PTDSS1: variants seen among roughly 807,000 people sequenced by gnomAD.
PTDSS1 encodes PSS-1.
PTDSS1 carries 45 observed loss-of-function variants against 70.5 expected under a neutral mutation model. That is an observed-to-expected ratio of 0.64 (90% CI 0.50 to 0.82). The LOEUF is 0.82. PTDSS1 is among the 40% of genes least tolerant of loss of function. PTDSS1 has a pLI of 0.00. For synonymous variants in PTDSS1, 188 were observed against 203.8 expected, an observed-to-expected ratio of 0.92 and a Z score of 0.66; for missense variants, 417 against 586.1, an observed-to-expected ratio of 0.71 and a Z score of 2.98.
intron 10 of PTDSS1, among the ~76,000 whole-genome samples, chr8:96,320,795 C>G (rs1367276153): frequency 6.6e-6 from 1 of 152,170 alleles, no homozygotes; most frequent in Non-Finnish European, 1.5e-5. Context: ...GAAGATAATT[C>G]GATCCTGCAA....
chr8:96,298,016 A>T (rs1278229455), intron 5 of PTDSS1, among the ~76,000 whole-genome samples: 1 of 152,210 alleles, frequency 6.6e-6, no homozygotes, highest in Non-Finnish European at 1.5e-5. Context: ...CTTAGGCTGG[A>T]GGATGTCCTC....
At chr8:96,277,297 G>A (rs1810662564) in intron 2 of PTDSS1, among the ~76,000 whole-genome samples, 2 of 152,248 alleles carry the variant, frequency 1.3e-5, no homozygotes, top group African/African-American at 4.8e-5. Context: ...ATTAGGGATG[G>A]CTTTGGAAGG....
At position 96,292,083 on chromosome 8, in the gene PTDSS1, A is replaced by G. The variant is rs942940685; in HGVS notation, c.442-3015A>G. On this transcript the variant is annotated intron_variant, in intron 4 of 12. Transcript: ENST00000517309. ...ATCATAAGGTCAGGAGTTTGAGACC[A>G]GCCTGGTGTTTGAGACCATGTTTGA... Among the ~76,000 whole-genome samples, 20 of 152,060 alleles carry G rather than the reference A, an allele frequency of 1.3e-4. 1 individual carries two copies. Among genetic ancestry groups the G allele is most frequent in the South Asian group, 6.2e-4 (3 of 4,818 alleles).
chr8:96,310,257 T>C (rs1438818873), intron 9 of PTDSS1, among the ~76,000 whole-genome samples: 4 of 150,270 alleles, frequency 2.7e-5, no homozygotes, highest in African/African-American at 9.8e-5. Context: ...CTCTGCCTTC[T>C]GGGCTCAAGT....
At chr8:96,333,358 G>C in intron 12 of PTDSS1, 99 bp from the exon 13 acceptor site, 1 of 1,018,846 alleles carries the variant, frequency 9.8e-7, no homozygotes, top group Non-Finnish European at 1.5e-6. Flanking sequence ...ACGTATCAGG[G>C]AAGAACCTGT....
Position 96,335,470 on chromosome 8 carries a change from C to T in PTDSS1, c.*1904C>T, listed in dbSNP as rs1349419446. 1 of 152,222 alleles carries T rather than the reference C, an allele frequency of 6.6e-6. No homozygotes were observed. Among genetic ancestry groups the T allele is most frequent in the African/African-American group, 2.4e-5 (1 of 41,440 alleles). The allele number at this position is 152,222 out of a possible 1,614,324, so 9.4% of individuals were successfully genotyped here. On this transcript the variant is annotated 3_prime_UTR_variant, in exon 13 of 13. Transcript: ENST00000517309. ...GCCTGACACTTTCACACTCTTCTGA[C>T]TTTCGCCTTGTTGCAACTGATGGAG...
intron 2 of PTDSS1, among the ~76,000 whole-genome samples, chr8:96,277,104 G>A (rs987790631): frequency 5.3e-5 from 8 of 152,208 alleles, no homozygotes; most frequent in Non-Finnish European, 1.2e-4. Context: ...TCAGTGTCCT[G>A]TGCAGGAGGG....
chr8:96,308,278 A>G (rs1028333311), intron 8 of PTDSS1, among the ~76,000 whole-genome samples: 1 of 152,234 alleles, frequency 6.6e-6, no homozygotes. Flanking sequence ...TAAAGTAGCT[A>G]AAATGATCAA....
intron 2 of PTDSS1, 28 bp downstream of exon 2, chr8:96,273,418 T>A: frequency 6.6e-7 from 1 of 1,513,702 alleles, no homozygotes; most frequent in Non-Finnish European, 9.1e-7. Context: ...TTACCACATT[T>A]CTCCTATATT....
intron 3 of PTDSS1, 66 bp from the exon 4 acceptor site, chr8:96,286,956 A>C: frequency 6.3e-7 from 1 of 1,587,502 alleles, no homozygotes; most frequent in South Asian, 1.1e-5. Context: ...TTCGAGTCTA[A>C]TGTGTATTGT....
intron 9 of PTDSS1, among the ~76,000 whole-genome samples, chr8:96,315,490 A>G (rs780221775): frequency 6.6e-6 from 1 of 152,164 alleles, no homozygotes; most frequent in Non-Finnish European, 1.5e-5. Context: ...ACGAGCCTAG[A>G]GCTTTCATGC....
chr8:96,331,819 T>C (rs1438384170), intron 12 of PTDSS1, among the ~76,000 whole-genome samples: 1 of 151,862 alleles, frequency 6.6e-6, no homozygotes, highest in Non-Finnish European at 1.5e-5. Context: ...TGGGATGCCA[T>C]GGCAGGATCA....
At chr8:96,265,541 C>A (rs1170829352) in intron 1 of PTDSS1, among the ~76,000 whole-genome samples, 1 of 152,116 alleles carries the variant, frequency 6.6e-6, no homozygotes, top group East Asian at 1.9e-4. Context: ...TGAAAAAGCT[C>A]ATTTCCAGCC....
At chr8:96,303,031 T>G (rs1355309358) in intron 6 of PTDSS1, among the ~76,000 whole-genome samples, 2 of 152,246 alleles carry the variant, frequency 1.3e-5, no homozygotes, top group African/African-American at 4.8e-5. Context: ...ATTGGTGGTT[T>G]TTTTAAAGTA....
At chr8:96,288,844 G>A (rs1810862203) in intron 4 of PTDSS1, among the ~76,000 whole-genome samples, 2 of 151,784 alleles carry the variant, frequency 1.3e-5, no homozygotes, top group Non-Finnish European at 2.9e-5. Context: ...GGCCAGGCTG[G>A]TCTCAAACTC....
At chr8:96,293,314 T>TA (rs1227255109) in intron 4 of PTDSS1, among the ~76,000 whole-genome samples, 4 of 152,228 alleles carry the variant, frequency 2.6e-5, no homozygotes, top group Non-Finnish European at 5.9e-5. Flanking sequence ...GTAAAGTGAA[T>TA]AGGACTTGGT....
chr8:96,283,645 GCA>G (rs966179459), intron 2 of PTDSS1: 1 of 154,702 alleles, frequency 6.5e-6, no homozygotes, highest in Non-Finnish European at 1.4e-5. Context: ...CCACACATGT[GCA>G]CACACGTACA....
chr8:96,290,611 C>G (rs960482964), intron 4 of PTDSS1, among the ~76,000 whole-genome samples: 5 of 152,158 alleles, frequency 3.3e-5, no homozygotes, highest in African/African-American at 7.2e-5. Context: ...TTCTCCATCT[C>G]TAATCCCATC....
rs1484487085 is a variant in PTDSS1 at position 96,335,006 on chromosome 8, A to C, written c.*1440A>C. On this transcript the variant is annotated 3_prime_UTR_variant, in exon 13 of 13. Coordinates refer to ENST00000517309, the MANE Select transcript of PTDSS1 (RefSeq NM_014754.3). ...ATTCCAAGATGAACGGGTTGAATGA[A>C]TCATGCCAGCCAGGGTCACATCCTG... 6.6e-6 allele frequency: 1 copy of C among 152,170 alleles called. No individual in the cohort carries two copies. Among genetic ancestry groups the C allele is most frequent in the East Asian group, 1.9e-4 (1 of 5,188 alleles). The allele number at this position is 152,170 out of a possible 1,614,324, so 9.4% of individuals were successfully genotyped here.
Sources: allele counts gnomAD v4.1 joint callset (sites outside exome capture counted in the v4.1 genomes callset), GRCh38; gene constraint gnomAD v4.1.1; transcripts MANE v1.5; gene names NCBI Gene and HGNC (gene_info 2026-07-23, HGNC 2026-07-21).